Variants in ATP7B observed in about 807,000 individuals in gnomAD.
The protein encoded by ATP7B is copper-transporting ATPase 2.
In ATP7B, 113 loss-of-function variants were observed where a neutral mutation model predicts 118.9. The ratio of observed to expected loss-of-function variants is 0.95; its 90% confidence interval spans 0.82 to 1.11. The LOEUF is 1.11. ATP7B is among the 50% of genes most tolerant of loss of function. The pLI is 0.00. For missense variants in ATP7B, 1,867 were observed against 1,871.4 expected (o/e 1.00, Z 0.04); for synonymous variants, 777 against 727.4 (o/e 1.07, Z -1.10).
chr13:52,011,733 G>A (rs145371060), upstream of ATP7B, among the ~76,000 whole-genome samples: 7 of 152,358 alleles, frequency 4.6e-5, no homozygotes, highest in African/African-American at 1.2e-4. Flanking sequence ...CCGTGCCGGC[G>A]CCGCAGGGCG....
chr13:52,011,430 AGAG>A lies in ATP7B; in HGVS notation c.-96_-94del. ...GAGAGCGGGGTGTTAAAGTCCCGGG[AGAG>A]GAGGCGCAGAGTGTGAGGGCATCGG... On this transcript the variant is annotated 5_prime_UTR_variant, in exon 1 of 21. Coordinates refer to ENST00000242839, the MANE Select transcript of ATP7B (RefSeq NM_000053.4). 6.4e-7 allele frequency: 1 copy of A among 1,554,604 alleles called. No homozygotes were observed. Among genetic ancestry groups the A allele is most frequent in the Non-Finnish European group, 8.8e-7 (1 of 1,130,940 alleles).
In ATP7B at chr13:51,958,443, A is replaced by T. The variant is rs1958499640; in HGVS notation, c.2223T>A (p.Tyr741Ter). 1 of 1,614,252 alleles carries T rather than the reference A, an allele frequency of 6.2e-7. No homozygotes were observed. The highest frequency in any genetic ancestry group is 8.5e-7 in the Non-Finnish European group (1 of 1,180,050). The change falls in exon 8 of 21, where the codon TAT becomes TAA. Residue 741 changes from tyrosine (Y) to a stop codon, truncating the protein, a stop_gained. Transcript: ENST00000242839. LOFTEE classifies it high-confidence loss of function. Reference protein sequence around the residue: ...VLIVLATSIAYVYSLVILVVA... With the variant: ...VLIVLATSIA Reference sequence around the variant, plus strand: ...CCACCAGGATGACCAGAGAATAAACATAAGCAATGCTTGTGGCCAGGACGA... The same window carrying T: ...CCACCAGGATGACCAGAGAATAAACTTAAGCAATGCTTGTGGCCAGGACGA...
At chr13:51,943,683 T>A (rs1395423183) in intron 14 of ATP7B, among the ~76,000 whole-genome samples, 2 of 152,100 alleles carry the variant, frequency 1.3e-5, no homozygotes, top group Admixed American at 1.3e-4. Flanking sequence ...CCTCTGCTGG[T>A]TCCTCTCTGT....
chr13:51,937,494 G>A lies in ATP7B; in HGVS notation c.3885C>T (p.Ala1295=), dbSNP rs200597654. ...CGCTCACTCTGATAAGGACGACGTCGGCTGCCTCGATGGCCACATCCGTGC... is the reference window on the plus strand; with the variant it reads ...CGCTCACTCTGATAAGGACGACGTCAGCTGCCTCGATGGCCACATCCGTGC... The part of the protein sequence containing the change: ...GTGTDVAIEA[A]DVVLIRNDLL... Residue 1295 remains alanine (A), a synonymous_variant, in exon 18 of 21, where the codon GCC becomes GCT. Transcript: ENST00000242839. 131 of 1,613,912 alleles carry A rather than the reference G, an allele frequency of 8.1e-5. 1 individual carries two copies. In the Middle Eastern group the frequency reaches 8.2e-4, roughly 10 times the overall value.
intron 9 of ATP7B, among the ~76,000 whole-genome samples, chr13:51,955,721 G>A (rs1250158955): frequency 3.3e-5 from 5 of 152,100 alleles, no homozygotes; most frequent in East Asian, 3.9e-4. Context: ...AGCTGCCAGC[G>A]GCTTGGCTCC....
At chr13:52,008,641 A>G (rs934623098) in intron 1 of ATP7B, among the ~76,000 whole-genome samples, 1 of 152,200 alleles carries the variant, frequency 6.6e-6, no homozygotes, top group African/African-American at 2.4e-5. Flanking sequence ...AAGAAGCTCT[A>G]TGTCAGGAAC....
rs758641148 is a variant in ATP7B at position 51,946,359 on chromosome 13, G to A, written c.2985C>T (p.Val995=). 1.9e-6 allele frequency: 3 copies of A among 1,612,968 alleles called. No individual in the cohort carries two copies. The highest frequency in any genetic ancestry group is 2.5e-6 in the Non-Finnish European group (3 of 1,179,768). The part of the protein sequence containing the change: ...CSLGLATPTA[V]MVGTGVAAQN... ...GCGCGGCCACCCCGGTGCCCACCAT[G>A]ACAGCCGTGGGCGTGGCCAGCCCCA... is the stretch of plus-strand genomic sequence containing the variant. The change falls in exon 13 of 21, where the codon GTC becomes GTT. Residue 995 remains valine, a synonymous_variant. Transcript: ENST00000242839.
Position 51,967,080 on chromosome 13 carries a change from T to C in ATP7B, c.1707+1364A>G, listed in dbSNP as rs575071846. 1,234 of 1,601,480 alleles carry C rather than the reference T, an allele frequency of 7.7e-4. 10 individuals carry two copies. The African/African-American group carries it at 0.015, about 19-fold the overall frequency. ...GCACAATAACAAGAAAATTGAAAGA[T>C]GGGAAATTAGTGGTGGAGTGTGTCA... On this transcript the variant is annotated intron_variant, in intron 4 of 20. Transcript: ENST00000242839.
At chr13:51,999,617 C>T (rs557900295) in intron 1 of ATP7B, among the ~76,000 whole-genome samples, 31 of 152,328 alleles carry the variant, frequency 2.0e-4, no homozygotes, top group African/African-American at 5.8e-4. Context: ...CCTTCGACTT[C>T]GCTGGCTGCC....
chr13:51,967,530 C>T (rs569758522), intron 4 of ATP7B, among the ~76,000 whole-genome samples: 1 of 152,238 alleles, frequency 6.6e-6, no homozygotes, highest in South Asian at 2.1e-4. Flanking sequence ...TGGGGCTGAC[C>T]AAAGCTGTGT....
At chr13:51,938,036 C>A (rs1251899065) in intron 17 of ATP7B, among the ~76,000 whole-genome samples, 1 of 152,192 alleles carries the variant, frequency 6.6e-6, no homozygotes, top group African/African-American at 2.4e-5. Context: ...CAGTAGACCC[C>A]ATGCATCTCC....
chr13:51,934,991 G>A lies in ATP7B; in HGVS notation c.4163C>T (p.Ala1388Val), dbSNP rs371458882. 162 of 1,614,000 alleles carry A rather than the reference G, an allele frequency of 1.0e-4. No homozygotes were observed. Among genetic ancestry groups the A allele is most frequent in the African/African-American group, 1.9e-4 (14 of 75,028 alleles). ...CGTCAGGGGCTTCATGTGGCCATGCGCCTGTGCCTCATACCTCTCCAGGTC... is the reference window on the plus strand; with the variant it reads ...CGTCAGGGGCTTCATGTGGCCATGCACCTGTGCCTCATACCTCTCCAGGTC... ...KPDLERYEAQ[A>V]HGHMKPLTAS... The change falls in exon 21 of 21, where the codon GCG (alanine) becomes GTG (valine). Residue 1388 changes from alanine to valine, a missense_variant. By Grantham distance (64) the Ala-to-Val change is moderately conservative (BLOSUM62 0). Transcript: ENST00000242839.
intron 12 of ATP7B, 84 bp downstream of exon 12, chr13:51,949,578 G>C: frequency 9.0e-6 from 14 of 1,559,322 alleles, no homozygotes; most frequent in Non-Finnish European, 1.2e-5. Context: ...AAAGCCCAGT[G>C]AATCTAAGAT....
intron 1 of ATP7B, among the ~76,000 whole-genome samples, chr13:51,999,486 T>A (rs950473501): frequency 3.3e-5 from 5 of 152,190 alleles, no homozygotes. Context: ...CTGAACAGTC[T>A]TGAGTGAAAA....
chr13:51,970,801 T>C, intron 2 of ATP7B, 52 bp from the exon 3 acceptor site: 1 of 1,593,524 alleles, frequency 6.3e-7, no homozygotes. Context: ...ATAATATGTT[T>C]TTCAGAACAA....
intron 14 of ATP7B, 59 bp from the exon 15 acceptor site, chr13:51,942,613 G>C: frequency 6.2e-7 from 1 of 1,603,262 alleles, no homozygotes; most frequent in Non-Finnish European, 8.5e-7. Flanking sequence ...GAAGTGAAAG[G>C]GAGGGGCAGG....
At chr13:51,937,828 G>A in intron 17 of ATP7B, 149 bp from the exon 18 acceptor site, 1 of 900,834 alleles carries the variant, frequency 1.1e-6, no homozygotes, top group Non-Finnish European at 1.8e-6. Flanking sequence ...GCTGTCACAG[G>A]GCCAGTTTAT....
chr13:51,959,833 A>C, intron 7 of ATP7B: 1 of 412,946 alleles, frequency 2.4e-6, no homozygotes, highest in East Asian at 5.3e-5. Context: ...CAATATGCAC[A>C]TTGGAGACAC....
chr13:51,993,921 A>G (rs1364231770), intron 1 of ATP7B, among the ~76,000 whole-genome samples: 1 of 152,152 alleles, frequency 6.6e-6, no homozygotes, highest in Non-Finnish European at 1.5e-5. Context: ...CTTTCTGAAG[A>G]GGCTCCCCTA....
Sources: gnomAD v4.1 joint callset for allele counts (sites outside exome capture counted in the v4.1 genomes callset) on GRCh38, gnomAD v4.1.1 for gene constraint, MANE v1.5 for transcripts, NCBI Gene and HGNC (gene_info 2026-07-23, HGNC 2026-07-21) for gene names.